Variants in TRDN observed in about 807,000 individuals in gnomAD.
TRDN encodes the protein triadin in skeletal muscle.
Under a neutral mutation model 149.7 loss-of-function variants are expected in TRDN, and 161 were observed. The observed-to-expected ratio is 1.08, with a 90% CI of 0.95 to 1.23. The LOEUF (loss-of-function observed/expected upper bound fraction) is 1.23, where lower values mean the gene tolerates loss of function less well. TRDN is among the 50% of genes most tolerant of loss of function. TRDN has a pLI of 0.00. For synonymous variants in TRDN, 294 were observed against 250.5 expected, an observed-to-expected ratio of 1.17 and a Z score of -1.64; for missense variants, 896 against 823.5, an observed-to-expected ratio of 1.09 and a Z score of -1.08.
At chr6:123,503,381 G>C in intron 8 of TRDN, 1 of 985,208 alleles carries the variant, frequency 1.0e-6, no homozygotes, top group Non-Finnish European at 1.2e-6. Context: ...CAAAGAGTAT[G>C]ACACATACAA....
chr6:123,322,560 G>A (rs1779279029), intron 23 of TRDN, among the ~76,000 whole-genome samples: 1 of 151,218 alleles, frequency 6.6e-6, no homozygotes, highest in Non-Finnish European at 1.5e-5. Context: ...CCTTATTGAA[G>A]GGAGCATTGG....
chr6:123,237,741 A>G (rs371279137), intron 38 of TRDN, among the ~76,000 whole-genome samples: 1 of 152,202 alleles, frequency 6.6e-6, no homozygotes, highest in East Asian at 1.9e-4. Context: ...TGAATAAACA[A>G]TGGTTATGGA....
rs6929467 is a variant in TRDN at position 123,234,473 on chromosome 6, T to C, written c.1976-10342A>G. ...GTATTAGTTGAGAATGGTTTTGCTTTAATAAAGATTAAATTTAGGATTCTG... is the reference window on the plus strand; with the variant it reads ...GTATTAGTTGAGAATGGTTTTGCTTCAATAAAGATTAAATTTAGGATTCTG... On this transcript the variant is annotated intron_variant, in intron 38 of 40. Transcript: ENST00000334268. Among the ~76,000 whole-genome samples, 634 of 152,260 alleles carry C rather than the reference T, an allele frequency of 4.2e-3. 6 individuals are homozygous for C. Among genetic ancestry groups the C allele is most frequent in the African/African-American group, 0.015 (607 of 41,568 alleles).
At chr6:123,468,356 A>C (rs917126995) in intron 9 of TRDN, among the ~76,000 whole-genome samples, 1 of 152,180 alleles carries the variant, frequency 6.6e-6, no homozygotes, top group East Asian at 1.9e-4. Context: ...ATTCAAACAC[A>C]GTAAGTTGGC....
chr6:123,467,344 A>T (rs1240757670), intron 9 of TRDN, among the ~76,000 whole-genome samples: 1 of 151,500 alleles, frequency 6.6e-6, no homozygotes, highest in Admixed American at 6.6e-5. Flanking sequence ...CCTGGATGCC[A>T]ATATATATAT....
In TRDN at chr6:123,384,736, T is replaced by A. The variant is rs1255577026; in HGVS notation, c.1136-2589A>T. ...GGTCAGGCAAATGAAACTCAAAATGTCATGATAAAGTTATGTATTTTCTTT... is the reference window on the plus strand; with the variant it reads ...GGTCAGGCAAATGAAACTCAAAATGACATGATAAAGTTATGTATTTTCTTT... On this transcript the variant is annotated intron_variant, in intron 14 of 40. Coordinates refer to ENST00000334268, the MANE Select transcript of TRDN (RefSeq NM_006073.4). 2.0e-5 allele frequency among the ~76,000 whole-genome samples: 3 copies of A among 152,246 alleles called. No individual in the cohort carries two copies. In the East Asian group the frequency reaches 5.8e-4, roughly 29 times the overall value.
chr6:123,571,111 G>A lies in TRDN; in HGVS notation c.44C>T (p.Thr15Ile). Reference protein sequence around the residue: ...TAEGNASTTTTVIDSKNGSVP... With the variant: ...TAEGNASTTTIVIDSKNGSVP... ...AGATCCATTTTTGCTGTCTATCACA[G>A]TTGTGGTTGTAGATGCATTTCCTAA... Residue 15 changes from threonine to isoleucine, a missense_variant, in exon 2 of 41, where the codon ACT (threonine) becomes ATT (isoleucine). Physicochemically the swap from Thr to Ile is moderately conservative, Grantham distance 89. Transcript: ENST00000334268. 1 of 1,613,916 alleles carries A rather than the reference G, an allele frequency of 6.2e-7. No individual in the cohort carries two copies. Among genetic ancestry groups the A allele is most frequent in the South Asian group, 1.1e-5 (1 of 91,082 alleles).
At chr6:123,491,501 C>T (rs1420683335) in intron 9 of TRDN, among the ~76,000 whole-genome samples, 6 of 152,030 alleles carry the variant, frequency 3.9e-5, no homozygotes, top group African/African-American at 1.4e-4. Context: ...TTCACTTTCC[C>T]TTTATTTCTA....
chr6:123,569,861 C>T (rs1782473826), intron 2 of TRDN, among the ~76,000 whole-genome samples: 1 of 152,196 alleles, frequency 6.6e-6, no homozygotes, highest in Non-Finnish European at 1.5e-5. Context: ...CCATGTCCAA[C>T]ACTGGGGATT....
At chr6:123,402,604 G>A (rs1460311073) in intron 12 of TRDN, among the ~76,000 whole-genome samples, 1 of 152,114 alleles carries the variant, frequency 6.6e-6, no homozygotes, top group African/African-American at 2.4e-5. Flanking sequence ...AGTACATTGA[G>A]CGCTACTGCA....
At chr6:123,570,399 A>G (rs1303096937) in intron 2 of TRDN, among the ~76,000 whole-genome samples, 3 of 152,224 alleles carry the variant, frequency 2.0e-5, no homozygotes. Flanking sequence ...TAATTTTGTG[A>G]AAAACTCTCT....
chr6:123,332,860 T>C (rs186554204), intron 22 of TRDN, among the ~76,000 whole-genome samples: 15 of 152,058 alleles, frequency 9.9e-5, no homozygotes, highest in Admixed American at 5.3e-4. Context: ...CAGATAGTTT[T>C]GGATGTATTA....
At chr6:123,389,528 G>C (rs1171730480) in intron 13 of TRDN, 1 of 152,092 alleles carries the variant, frequency 6.6e-6, no homozygotes, top group Non-Finnish European at 1.5e-5. Context: ...AGGCAGCCCA[G>C]AGCAGAAAAT....
chr6:123,598,428 A>T (rs1784136807), intron 1 of TRDN, among the ~76,000 whole-genome samples: 2 of 152,056 alleles, frequency 1.3e-5, no homozygotes, highest in Non-Finnish European at 2.9e-5. Context: ...AGTATCAAAG[A>T]TTGCACACTA....
intron 1 of TRDN, among the ~76,000 whole-genome samples, chr6:123,596,543 A>G (rs747588602): frequency 6.6e-6 from 1 of 152,108 alleles, no homozygotes; most frequent in Non-Finnish European, 1.5e-5. Context: ...TTATAAATCA[A>G]TTGACTCCTA....
At chr6:123,492,862 A>G (rs1044150162) in intron 9 of TRDN, among the ~76,000 whole-genome samples, 2 of 152,072 alleles carry the variant, frequency 1.3e-5, no homozygotes, top group Non-Finnish European at 2.9e-5. Context: ...AAGCCCTAGG[A>G]AAAAAAGTGG....
At chr6:123,503,599 T>C (rs1329642225) in intron 8 of TRDN, 120 bp downstream of exon 8, 1 of 1,496,494 alleles carries the variant, frequency 6.7e-7, no homozygotes, top group East Asian at 2.4e-5. Flanking sequence ...TTTACTTTAA[T>C]GTCTTTTACC....
At chr6:123,518,776 C>A (rs1483280916) in intron 5 of TRDN, among the ~76,000 whole-genome samples, 1 of 152,124 alleles carries the variant, frequency 6.6e-6, no homozygotes, top group Admixed American at 6.6e-5. Flanking sequence ...CATCACAACA[C>A]TTCTTAGTGA....
intron 9 of TRDN, among the ~76,000 whole-genome samples, chr6:123,467,509 G>A (rs1427673860): frequency 6.6e-6 from 1 of 151,940 alleles, no homozygotes; most frequent in East Asian, 1.9e-4. Flanking sequence ...GGGTAACAAT[G>A]GGAAAGTAGG....
Sources: gnomAD v4.1 joint callset for allele counts (sites outside exome capture counted in the v4.1 genomes callset) on GRCh38, gnomAD v4.1.1 for gene constraint, MANE v1.5 for transcripts, NCBI Gene and HGNC (gene_info 2026-07-23, HGNC 2026-07-21) for gene names.